The following MYB variants were observed in gnomAD, a reference collection of about 807,000 sequenced individuals.
MYB encodes the protein transcriptional activator Myb.
In MYB, 28 loss-of-function variants were observed where a neutral mutation model predicts 92.9. The observed-to-expected ratio is 0.30, with a 90% CI of 0.22 to 0.41. MYB has a LOEUF of 0.41. Among genes scored for constraint, MYB ranks in the 10% least tolerant of loss-of-function variants. MYB has a pLI of 1.00. For synonymous variants in MYB, 295 were observed against 329.1 expected, an observed-to-expected ratio of 0.90 and a Z score of 1.12; for missense variants, 679 against 929.3, an observed-to-expected ratio of 0.73 and a Z score of 3.50.
intron 8 of MYB, chr6:135,195,108 T>C (rs1191506332): frequency 1.6e-6 from 2 of 1,252,388 alleles, no homozygotes; most frequent in African/African-American, 3.1e-5. Flanking sequence ...GTAAATTTAT[T>C]TTTTGTTAAA....
chr6:135,218,613 T>A lies in MYB; in HGVS notation c.*633T>A, dbSNP rs1780732472. The A allele has an allele frequency of 5.4e-6, 1 of 186,004 alleles. No homozygotes were observed. Among genetic ancestry groups the A allele is most frequent in the Admixed American group, 6.2e-5 (1 of 16,126 alleles). The allele number at this position is 186,004 out of a possible 1,614,324, so 11.5% of individuals were successfully genotyped here. ...TTATTCAGTAATTTAATTTTGTAAA[T>A]GCCAAATGAAAAACGTTTTTTGCTG... On this transcript the variant is annotated 3_prime_UTR_variant, in exon 16 of 16. Transcript: ENST00000341911.
chr6:135,201,386 C>A (rs1778069414), intron 13 of MYB, among the ~76,000 whole-genome samples: 1 of 152,106 alleles, frequency 6.6e-6, no homozygotes. Flanking sequence ...ATAGAATAAA[C>A]ACCTAGAATC....
intron 15 of MYB, among the ~76,000 whole-genome samples, chr6:135,216,961 C>T (rs1780535764): frequency 6.6e-6 from 1 of 152,144 alleles, no homozygotes; most frequent in Admixed American, 6.5e-5. Flanking sequence ...GAACCTGCCT[C>T]CCGAGGTGAT....
chr6:135,194,842 A>G (rs759536606), intron 8 of MYB: 5 of 1,066,518 alleles, frequency 4.7e-6, no homozygotes, highest in Non-Finnish European at 6.1e-6. Context: ...CTATATTTTC[A>G]TATTTTATAA....
chr6:135,195,479 C>T (rs894638413), intron 8 of MYB: 2 of 450,828 alleles, frequency 4.4e-6, no homozygotes, highest in African/African-American at 3.9e-5. Context: ...GATAATTATA[C>T]TTCGAAATAT....
chr6:135,208,423 C>T (rs12203816), intron 15 of MYB, among the ~76,000 whole-genome samples: 57,595 of 151,338 alleles, frequency 0.38, 10,924 homozygotes, highest in Admixed American at 0.4. Context: ...GCTCTGTCAC[C>T]CAGGCTGGAG....
intron 15 of MYB, among the ~76,000 whole-genome samples, chr6:135,209,271 T>C (rs1004565571): frequency 6.6e-6 from 1 of 151,036 alleles, no homozygotes; most frequent in Non-Finnish European, 1.5e-5. Flanking sequence ...TCTCACTCTG[T>C]CACCCAGGCT....
chr6:135,217,839 C>T, intron 15 of MYB, 25 bp from the exon 16 acceptor site: 1 of 1,510,596 alleles, frequency 6.6e-7, no homozygotes, highest in Non-Finnish European at 9.2e-7. Context: ...TCTGACGCTC[C>T]TGTTGCCATC....
At chr6:135,195,629 A>G (rs1777193505) in intron 8 of MYB, 119 bp from the exon 9 acceptor site, 1 of 1,135,318 alleles carries the variant, frequency 8.8e-7, no homozygotes, top group African/African-American at 1.5e-5. Flanking sequence ...GTTTGGGATG[A>G]TGCAACTACT....
rs1780695231 is a variant in MYB, at chr6:135,218,087, G to A, written c.*107G>A. 2.3e-6 allele frequency: 2 copies of A among 887,106 alleles called. No homozygotes were observed. Among genetic ancestry groups the A allele is most frequent in the East Asian group, 2.5e-5 (1 of 40,600 alleles). 55.0% of individuals were successfully genotyped at this position (887,106 alleles called of 1,614,324 possible). A position where few individuals can be genotyped will look rare whatever the true frequency, so the allele number is the denominator to read the frequency against. On this transcript the variant is annotated 3_prime_UTR_variant, in exon 16 of 16. Coordinates refer to ENST00000341911, the MANE Select transcript of MYB (RefSeq NM_001130173.2). ...ATGAATGGGAGAAGAACCTATTTTT[G>A]TTGTGGTACAACAGTTGAGAGCAGC...
At position 135,182,429 on chromosome 6, in the gene MYB, G is replaced by A. The variant is rs982216721; in HGVS notation, c.23+893G>A. On this transcript the variant is annotated intron_variant, in intron 1 of 15. Coordinates refer to ENST00000341911, the MANE Select transcript of MYB (RefSeq NM_001130173.2). The surrounding 1 kb of genome is among the most constrained non-coding windows in gnomAD (Gnocchi z 5.6). ...AGCGGCGGGTGCCAGGGCTAGCTCG[G>A]CAGCCGTCGCAGTCGCCACTCGGCT... 2.0e-5 allele frequency among the ~76,000 whole-genome samples: 3 copies of A among 152,178 alleles called. No homozygotes were observed. The highest frequency in any genetic ancestry group is 4.4e-5 in the Non-Finnish European group (3 of 68,020).
At chr6:135,206,222 AAAAAAT>A (rs1210397943) in intron 15 of MYB, among the ~76,000 whole-genome samples, 174 of 126,896 alleles carry the variant, frequency 1.4e-3, no homozygotes, top group African/African-American at 4.7e-3. Flanking sequence ...AAAAAAAAAA[AAAAAAT>A]AATAATAATA....
rs1411419261 is a variant in MYB at position 135,217,847 on chromosome 6, A to T, written c.2170-17A>T. ...TTCTTTGTCTGACGCTCCTGTTGCCATCCCTTTCTCCATCAGCCTTGTAGC... is the reference window on the plus strand; with the variant it reads ...TTCTTTGTCTGACGCTCCTGTTGCCTTCCCTTTCTCCATCAGCCTTGTAGC... On this transcript the variant is annotated splice_polypyrimidine_tract_variant and intron_variant, in intron 15 of 15. Transcript: ENST00000341911. 1.3e-6 allele frequency: 2 copies of T among 1,554,812 alleles called. No individual in the cohort carries two copies. Among genetic ancestry groups the T allele is most frequent in the South Asian group, 2.2e-5 (2 of 89,950 alleles).
intron 1 of MYB, 24 bp from the exon 2 acceptor site, chr6:135,185,879 G>A (rs752153485): frequency 3.8e-6 from 6 of 1,574,916 alleles, no homozygotes; most frequent in Admixed American, 1.7e-5. Flanking sequence ...TTCAGCCCAC[G>A]TCTACCCATT....
intron 5 of MYB, among the ~76,000 whole-genome samples, chr6:135,191,303 A>G (rs918503435): frequency 2.0e-5 from 3 of 152,240 alleles, no homozygotes; most frequent in Admixed American, 2.0e-4. Context: ...CCACTTAAGT[A>G]GTATATAACA....
intron 10 of MYB, among the ~76,000 whole-genome samples, chr6:135,198,514 T>C (rs569037539): frequency 5.1e-4 from 78 of 152,374 alleles, no homozygotes; most frequent in Middle Eastern, 3.4e-3. Context: ...TTTTGGTTCA[T>C]AGATTATTAA....
At position 135,218,250 on chromosome 6, in the gene MYB, TA is replaced by T. The variant is rs3216774; in HGVS notation, c.*278del. On this transcript the variant is annotated 3_prime_UTR_variant, in exon 16 of 16. Coordinates refer to ENST00000341911, the MANE Select transcript of MYB (RefSeq NM_001130173.2). ...GTTAATATCTTAATGCAGATTTTTTTAAAAAAAACATAAAATGATTTATCTG... is the reference window on the plus strand; with the variant it reads ...GTTAATATCTTAATGCAGATTTTTTTAAAAAAACATAAAATGATTTATCTG... 1.5e-4 allele frequency: 49 copies of T among 333,578 alleles called. No individual in the cohort carries two copies. Among genetic ancestry groups the T allele is most frequent in the Non-Finnish European group, 2.4e-4 (44 of 181,176 alleles). 20.7% of individuals were successfully genotyped at this position (333,578 alleles called of 1,614,324 possible).
At position 135,218,979 on chromosome 6, in the gene MYB, G is replaced by A. The variant is rs1220501496; in HGVS notation, c.*999G>A. On this transcript the variant is annotated 3_prime_UTR_variant, in exon 16 of 16. Transcript: ENST00000341911. Reference sequence around the variant, plus strand: ...GTTCTGCATTTGATCCGCATCCCCTGTGGTTTCTAAGTGTATGGTCTCAGA... The same window carrying A: ...GTTCTGCATTTGATCCGCATCCCCTATGGTTTCTAAGTGTATGGTCTCAGA... 4.4e-6 allele frequency: 1 copy of A among 225,272 alleles called. No individual in the cohort carries two copies. The highest frequency in any genetic ancestry group is 2.2e-5 in the African/African-American group (1 of 44,826). 14.0% of individuals were successfully genotyped at this position (225,272 alleles called of 1,614,324 possible).
Position 135,181,503 on chromosome 6 carries a change from C to A in MYB, c.-11C>A, listed in dbSNP as rs1210755866. On this transcript the variant is annotated 5_prime_UTR_variant, in exon 1 of 16. Coordinates refer to ENST00000341911, the MANE Select transcript of MYB (RefSeq NM_001130173.2). This position sits in a 1 kb window ranked among gnomAD's most constrained non-coding sequence, Gnocchi z 5.3. Reference sequence around the variant, plus strand: ...CCGCGGCTCTCGGCGGAGCCCCGCGCCCGCCGCGCCATGGCCCGAAGACCC... The same window carrying A: ...CCGCGGCTCTCGGCGGAGCCCCGCGACCGCCGCGCCATGGCCCGAAGACCC... The A allele has an allele frequency of 8.8e-7, 1 of 1,138,580 alleles. No individual in the cohort carries two copies. Among genetic ancestry groups the A allele is most frequent in the South Asian group, 4.3e-5 (1 of 23,410 alleles). The allele number at this position is 1,138,580 out of a possible 1,614,324, so 70.5% of individuals were successfully genotyped here. A position where few individuals can be genotyped will look rare whatever the true frequency, so the allele number is the denominator to read the frequency against.
Sources: allele counts gnomAD v4.1 joint callset (sites outside exome capture counted in the v4.1 genomes callset), GRCh38; gene constraint gnomAD v4.1.1; non-coding constraint Gnocchi (gnomAD v3.1); transcripts MANE v1.5; gene names NCBI Gene and HGNC (gene_info 2026-07-23, HGNC 2026-07-21).